POLR3A: variants seen among roughly 807,000 people sequenced by gnomAD.
The protein encoded by POLR3A is DNA-directed RNA polymerase III subunit RPC1.
Under a neutral mutation model 152.8 loss-of-function variants are expected in POLR3A, and 112 were observed. The observed-to-expected ratio is 0.73, with a 90% CI of 0.63 to 0.86. POLR3A has a LOEUF of 0.86. POLR3A is among the 40% of genes least tolerant of loss of function. POLR3A has a pLI of 0.00. For synonymous variants in POLR3A, 615 were observed against 652.1 expected (o/e 0.94, Z 0.87); for missense variants, 1,385 against 1,743.1 (o/e 0.79, Z 3.66).
intron 15 of POLR3A, among the ~76,000 whole-genome samples, chr10:78,006,667 A>T (rs1227337944): frequency 2.0e-5 from 3 of 152,156 alleles, no homozygotes; most frequent in African/African-American, 7.2e-5. Context: ...TAAAGAAATA[A>T]CATAAAATTT....
intron 19 of POLR3A, among the ~76,000 whole-genome samples, chr10:77,998,378 G>T (rs1251146103): frequency 6.6e-6 from 1 of 152,086 alleles, no homozygotes; most frequent in African/African-American, 2.4e-5. Flanking sequence ...CCTACAGAAT[G>T]GGAGAAAATT....
At chr10:78,018,583 T>C (rs1847548006) in intron 9 of POLR3A, among the ~76,000 whole-genome samples, 1 of 151,870 alleles carries the variant, frequency 6.6e-6, no homozygotes. Context: ...ATCCACTTTA[T>C]ATATTTATTG....
intron 8 of POLR3A, 30 bp from the exon 9 acceptor site, chr10:78,019,295 C>CCTGGGAGTAACTTAT: frequency 7.2e-7 from 1 of 1,381,338 alleles, no homozygotes. Context: ...CAATAAGTTA[C>CCTGGGAGTAACTTAT]TCCCAGGTAA....
rs1188932968 is a variant in POLR3A, at chr10:77,975,203, A to G, written c.*2275T>C. 1 of 152,240 alleles carries G rather than the reference A, an allele frequency of 6.6e-6. No homozygotes were observed. Among genetic ancestry groups the G allele is most frequent in the East Asian group, 1.9e-4 (1 of 5,204 alleles). The allele number at this position is 152,240 out of a possible 1,614,324, so 9.4% of individuals were successfully genotyped here. On this transcript the variant is annotated 3_prime_UTR_variant, in exon 31 of 31. Coordinates refer to ENST00000372371, the MANE Select transcript of POLR3A (RefSeq NM_007055.4). ...CTTCCAAGCAGGTACAGAGACTCAA[A>G]TGTAACCCTTTGAGCTCTCATGCTT... is the stretch of plus-strand genomic sequence containing the variant.
intron 3 of POLR3A, 131 bp downstream of exon 3, chr10:78,025,491 A>T (rs1847623734): frequency 1.2e-6 from 1 of 862,098 alleles, no homozygotes; most frequent in East Asian, 2.5e-5. Context: ...TGAGATGAAA[A>T]TATTATGTAC....
intron 11 of POLR3A, among the ~76,000 whole-genome samples, chr10:78,010,885 C>T (rs1847460658): frequency 6.6e-6 from 1 of 152,148 alleles, no homozygotes; most frequent in Non-Finnish European, 1.5e-5. Flanking sequence ...TGCTTATAGC[C>T]CAGGTTAGAG....
intron 8 of POLR3A, among the ~76,000 whole-genome samples, chr10:78,021,308 CAT>C (rs1403814525): frequency 6.6e-6 from 1 of 151,950 alleles, no homozygotes; most frequent in Non-Finnish European, 1.5e-5. Flanking sequence ...AAAAGTATAG[CAT>C]ATATATGAGT....
chr10:78,009,665 A>C lies in POLR3A; in HGVS notation c.1781T>G (p.Leu594Arg), dbSNP rs886047287. ...ACTGAAGATCTGCTTTCCCGTCCACAGGGTGACAGGCTGAGGGGGGGAGGA... is the reference window on the plus strand; with the variant it reads ...ACTGAAGATCTGCTTTCCCGTCCACCGGGTGACAGGCTGAGGGGGGGAGGA... ...PPPTILKPVT[L>R]WTGKQIFSVI... Residue 594 changes from leucine (L) to arginine (R), a missense_variant, in exon 14 of 31, where the codon CTG becomes CGG. By Grantham distance (102) the Leu-to-Arg change is moderately radical. Coordinates refer to ENST00000372371, the MANE Select transcript of POLR3A (RefSeq NM_007055.4). 1 of 1,614,134 alleles carries C rather than the reference A, an allele frequency of 6.2e-7. No individual in the cohort carries two copies. The highest frequency in any genetic ancestry group is 2.2e-5 in the East Asian group (1 of 44,860).
chr10:78,007,561 G>C, intron 15 of POLR3A, 141 bp downstream of exon 15: 1 of 720,840 alleles, frequency 1.4e-6, no homozygotes, highest in East Asian at 2.7e-5. Flanking sequence ...CAGCACACAT[G>C]ATTTAGCCTG....
rs146605905 is a variant in POLR3A, at chr10:78,024,519, C to T, written c.645+30G>A. The stretch of plus-strand genomic sequence containing the variant: ...GCGGAAGAGGCAGGCGGGAGGCAGG[C>T]GGAAGGCAGGCGTGCATTCTCAGGC... On this transcript the variant is annotated intron_variant, in intron 5 of 30. Coordinates refer to ENST00000372371, the MANE Select transcript of POLR3A (RefSeq NM_007055.4). 4.6e-3 allele frequency: 7,445 copies of T among 1,606,074 alleles called. 24 individuals are homozygous for T. Among genetic ancestry groups the T allele is most frequent in the African/African-American group, 0.016 (1,165 of 74,766 alleles).
intron 15 of POLR3A, among the ~76,000 whole-genome samples, chr10:78,005,942 G>A (rs1847406264): frequency 6.6e-6 from 1 of 152,162 alleles, no homozygotes; most frequent in African/African-American, 2.4e-5. Context: ...CCAGATATTT[G>A]AGGAAAGATT....
intron 10 of POLR3A, 110 bp downstream of exon 10, chr10:78,017,464 AT>A (rs1847535876): frequency 4.4e-6 from 5 of 1,127,392 alleles, no homozygotes; most frequent in Non-Finnish European, 6.4e-6. Context: ...AAAAAAAGTT[AT>A]GAAAACTTGA....
intron 3 of POLR3A, among the ~76,000 whole-genome samples, chr10:78,025,383 T>C (rs1847622738): frequency 6.6e-6 from 1 of 152,232 alleles, no homozygotes; most frequent in Admixed American, 6.5e-5. Flanking sequence ...CTGTATTGTT[T>C]GAATTACTAC....
rs1032853209 is a variant in POLR3A at position 77,991,144 on chromosome 10, C to T, written c.2811G>A (p.Glu937=). ...TCAGCTCGTTTTTGCTGAGAGCAGG[C>T]TCACTGGGACACGGGAAGACTGCCT... ...NIKAVFPCPS[E]PALSKNELIL... Residue 937 remains glutamate (E), a synonymous_variant, in exon 21 of 31, where the codon GAG becomes GAA. Coordinates refer to ENST00000372371, the MANE Select transcript of POLR3A (RefSeq NM_007055.4). 1.2e-6 allele frequency: 2 copies of T among 1,612,324 alleles called. No homozygotes were observed. Among genetic ancestry groups the T allele is most frequent in the African/African-American group, 1.3e-5 (1 of 75,024 alleles).
chr10:78,026,011 C>T, intron 2 of POLR3A, 83 bp downstream of exon 2: 7 of 1,545,824 alleles, frequency 4.5e-6, no homozygotes, highest in Non-Finnish European at 6.2e-6. Context: ...TGGAAGGAAG[C>T]CCCTGCTCCT....
chr10:77,993,078 G>A (rs1847264575), intron 20 of POLR3A, 119 bp downstream of exon 20: 1 of 842,574 alleles, frequency 1.2e-6, no homozygotes, highest in Non-Finnish European at 2.1e-6. Context: ...CTAATCCAGT[G>A]CTTGGGATTA....
Position 77,986,058 on chromosome 10 carries a change from T to A in POLR3A, c.2988+15A>T, listed in dbSNP as rs755493068. On this transcript the variant is annotated intron_variant, in intron 22 of 30. Coordinates refer to ENST00000372371, the MANE Select transcript of POLR3A (RefSeq NM_007055.4). ...AAACAGCTCGGGGTTCTAACGCGTC[T>A]TGGAGGGATATTACCTCTGTTGTGC... 32 of 1,587,240 alleles carry A rather than the reference T, an allele frequency of 2.0e-5. No individual in the cohort carries two copies. The highest frequency in any genetic ancestry group is 2.5e-5 in the Non-Finnish European group (29 of 1,155,654).
At chr10:77,988,425 G>A (rs1224584831) in intron 21 of POLR3A, among the ~76,000 whole-genome samples, 1 of 152,102 alleles carries the variant, frequency 6.6e-6, no homozygotes, top group Non-Finnish European at 1.5e-5. Context: ...GGGAGGCTGA[G>A]GCAGGAGAAT....
chr10:77,984,734 A>G (rs1197217471), intron 24 of POLR3A, among the ~76,000 whole-genome samples: 3 of 152,250 alleles, frequency 2.0e-5, no homozygotes, highest in Non-Finnish European at 1.5e-5. Context: ...GCATTGTAAT[A>G]CATTTCTATT....
Sources: gnomAD v4.1 joint callset for allele counts (sites outside exome capture counted in the v4.1 genomes callset) on GRCh38, gnomAD v4.1.1 for gene constraint, MANE v1.5 for transcripts, NCBI Gene and HGNC (gene_info 2026-07-23, HGNC 2026-07-21) for gene names.